The following OSTC variants were observed in gnomAD, a reference collection of about 807,000 sequenced individuals.
The protein encoded by OSTC is oligosaccharyltransferase complex subunit OSTC.
Under a neutral mutation model 16.4 loss-of-function variants are expected in OSTC, and 16 were observed. The ratio of observed to expected loss-of-function variants is 0.98; its 90% CI spans 0.66 to 1.49. The LOEUF (loss-of-function observed/expected upper bound fraction) is 1.49. OSTC is among the 40% of genes most tolerant of loss of function. OSTC has a pLI of 0.00. For synonymous variants in OSTC, 67 were observed against 68.5 expected, an observed-to-expected ratio of 0.98 and a Z score of 0.11; for missense variants, 139 against 186.3, an observed-to-expected ratio of 0.75 and a Z score of 1.48.
In OSTC at chr4:108,667,653, G is replaced by A. The variant is rs1379272911; in HGVS notation, c.*388G>A. 1.2e-5 allele frequency: 2 copies of A among 161,086 alleles called. No individual in the cohort carries two copies. The highest frequency in any genetic ancestry group is 2.4e-5 in the African/African-American group (1 of 41,752). 10.0% of individuals were successfully genotyped at this position (161,086 alleles called of 1,614,324 possible). Reference sequence around the variant, plus strand: ...TCAGAAATTAACATAAAATCCAGAAGCAAGATTCCGTAAGCTGAGAACTCT... The same window carrying A: ...TCAGAAATTAACATAAAATCCAGAAACAAGATTCCGTAAGCTGAGAACTCT... On this transcript the variant is annotated 3_prime_UTR_variant, in exon 4 of 4. Transcript: ENST00000361564.
At chr4:108,658,636 C>A (rs559282996) in intron 3 of OSTC, among the ~76,000 whole-genome samples, 2 of 152,196 alleles carry the variant, frequency 1.3e-5, no homozygotes, top group South Asian at 4.1e-4. Flanking sequence ...TTAGTAACTA[C>A]AGTAACGACA....
chr4:108,650,999 TCTCA>T (rs1353544134), intron 1 of OSTC: 1 of 650,964 alleles, frequency 1.5e-6, no homozygotes, highest in Non-Finnish European at 2.5e-6. Context: ...GAATTCGTGT[TCTCA>T]CTCCCATTGC....
At chr4:108,659,729 A>G (rs899452288) in intron 3 of OSTC, among the ~76,000 whole-genome samples, 1 of 152,200 alleles carries the variant, frequency 6.6e-6, no homozygotes, top group Admixed American at 6.5e-5. Flanking sequence ...AGATCGTGCC[A>G]CTGCACTCCA....
intron 1 of OSTC, chr4:108,651,062 A>C: frequency 2.5e-6 from 1 of 400,204 alleles, no homozygotes; most frequent in Admixed American, 4.1e-5. Context: ...AGTCAAATAT[A>C]TTTTTCAAGG....
At chr4:108,655,282 A>G (rs1726671417) in intron 1 of OSTC, among the ~76,000 whole-genome samples, 2 of 152,156 alleles carry the variant, frequency 1.3e-5, no homozygotes, top group African/African-American at 2.4e-5. Context: ...CCTGACCAAT[A>G]TGGTGAAATC....
intron 3 of OSTC, among the ~76,000 whole-genome samples, chr4:108,661,584 A>C (rs1726859065): frequency 6.6e-6 from 1 of 152,094 alleles, no homozygotes; most frequent in Admixed American, 6.6e-5. Flanking sequence ...TTAAAAGCAG[A>C]ATCTTTTTCT....
intron 1 of OSTC, chr4:108,652,103 A>G (rs1251736180): frequency 6.6e-6 from 1 of 152,184 alleles, no homozygotes; most frequent in Non-Finnish European, 1.5e-5. Context: ...TAAAAATAAT[A>G]GACTTTTAAA....
chr4:108,652,671 T>G (rs993556356), intron 1 of OSTC, among the ~76,000 whole-genome samples: 1 of 152,168 alleles, frequency 6.6e-6, no homozygotes, highest in African/African-American at 2.4e-5. Flanking sequence ...ATAAGGACCC[T>G]GACCTCCTGA....
chr4:108,666,154 G>A (rs1002360870), intron 3 of OSTC, among the ~76,000 whole-genome samples: 2 of 152,116 alleles, frequency 1.3e-5, no homozygotes, highest in African/African-American at 4.8e-5. Flanking sequence ...AGGGGCAGAT[G>A]TTTGTGCACA....
intron 1 of OSTC, among the ~76,000 whole-genome samples, chr4:108,653,510 G>A (rs2110381110): frequency 6.6e-6 from 1 of 152,294 alleles, no homozygotes; most frequent in African/African-American, 2.4e-5. Flanking sequence ...ATAATATAAT[G>A]AAAGATATGT....
intron 3 of OSTC, among the ~76,000 whole-genome samples, chr4:108,660,827 CT>C (rs1206789862): frequency 6.6e-6 from 1 of 152,136 alleles, no homozygotes; most frequent in Admixed American, 6.6e-5. Context: ...CTGATTTATG[CT>C]TTTTTGAAAG....
At chr4:108,653,140 G>C (rs368203863) in intron 1 of OSTC, among the ~76,000 whole-genome samples, 3 of 152,262 alleles carry the variant, frequency 2.0e-5, no homozygotes, top group Non-Finnish European at 4.4e-5. Context: ...TGGGAGGATC[G>C]CCTGAGCCTG....
Position 108,660,631 on chromosome 4 carries a change from A to G in OSTC, c.431+2984A>G, listed in dbSNP as rs139399550. On this transcript the variant is annotated intron_variant, in intron 3 of 3. Coordinates refer to ENST00000361564, the MANE Select transcript of OSTC (RefSeq NM_021227.4). ...TAAAAAAGATGTCAAAAAAACACCAATAGCCACTGGTTTTTCCAAATCAAC... is the reference window on the plus strand; with the variant it reads ...TAAAAAAGATGTCAAAAAAACACCAGTAGCCACTGGTTTTTCCAAATCAAC... Among the ~76,000 whole-genome samples the G allele has an allele frequency of 4.5e-3, 685 of 152,328 alleles. 5 individuals are homozygous for G. Among genetic ancestry groups the G allele is most frequent in the African/African-American group, 0.016 (665 of 41,570 alleles).
chr4:108,650,683 T>A lies in OSTC; in HGVS notation c.28T>A (p.Leu10Ile). The change falls in exon 1 of 4, where the codon TTA (leucine) becomes ATA (isoleucine). Residue 10 changes from leucine to isoleucine, a missense_variant. Transcript: ENST00000361564. METLYRVPF[L>I]VLECPNLKLK... The stretch of plus-strand genomic sequence containing the variant: ...GGAGACTTTGTACCGTGTCCCGTTC[T>A]TAGTGCTCGAATGTCCCAACCTGAA... 1 of 1,614,188 alleles carries A rather than the reference T, an allele frequency of 6.2e-7. No individual in the cohort carries two copies. The highest frequency in any genetic ancestry group is 8.5e-7 in the Non-Finnish European group (1 of 1,180,010).
chr4:108,656,948 A>C (rs1726721866), intron 2 of OSTC, among the ~76,000 whole-genome samples: 1 of 151,984 alleles, frequency 6.6e-6, no homozygotes. Flanking sequence ...AAATACAAAA[A>C]ATTAGCCAGG....
At chr4:108,658,917 T>C (rs1726781706) in intron 3 of OSTC, among the ~76,000 whole-genome samples, 1 of 151,296 alleles carries the variant, frequency 6.6e-6, no homozygotes, top group African/African-American at 2.4e-5. Context: ...GAGTTCTTTG[T>C]CAGCTGAATA....
At chr4:108,658,971 C>CTTTTTTTTT (rs766585998) in intron 3 of OSTC, among the ~76,000 whole-genome samples, 3 of 83,894 alleles carry the variant, frequency 3.6e-5, no homozygotes, top group African/African-American at 5.3e-5. Context: ...GGCAGCAGCT[C>CTTTTTTTTT]TTTTTTTTTT....
intron 2 of OSTC, 58 bp downstream of exon 2, chr4:108,655,715 C>A: frequency 8.0e-7 from 1 of 1,242,808 alleles, no homozygotes; most frequent in Admixed American, 1.9e-5. Context: ...TGTGGTATGC[C>A]CACTTATTTA....
intron 3 of OSTC, chr4:108,663,332 C>T (rs1228055918): frequency 2.5e-6 from 1 of 392,754 alleles, no homozygotes; most frequent in Non-Finnish European, 5.0e-6. Flanking sequence ...CTGCCTCAGC[C>T]TCCCTAGTAG....
Sources: gnomAD v4.1 joint callset for allele counts (sites outside exome capture counted in the v4.1 genomes callset) on GRCh38, gnomAD v4.1.1 for gene constraint, MANE v1.5 for transcripts, NCBI Gene and HGNC (gene_info 2026-07-23, HGNC 2026-07-21) for gene names.